The following UPRT variants were observed in gnomAD, a reference collection of about 807,000 sequenced individuals.
The protein encoded by UPRT is uracil phosphoribosyltransferase homolog.
UPRT carries 5 observed loss-of-function variants against 22.6 expected under a neutral mutation model. That is an observed-to-expected ratio of 0.22 (90% CI 0.12 to 0.47). The LOEUF (loss-of-function observed/expected upper bound fraction) is 0.47, where lower values mean the gene tolerates loss of function less well. Among genes scored for constraint, UPRT ranks in the 20% least tolerant of loss-of-function variants. The pLI is 0.99. For missense variants in UPRT, 181 were observed against 239.9 expected, an observed-to-expected ratio of 0.75 and a Z score of 1.62; for synonymous variants, 77 against 87.7, an observed-to-expected ratio of 0.88 and a Z score of 0.68.
intron 4 of UPRT, among the ~76,000 whole-genome samples, chrX:75,198,136 T>G (rs1017905465): frequency 2.7e-5 from 3 of 112,844 alleles, no homozygotes; most frequent in Non-Finnish European, 3.7e-5. Flanking sequence ...TTGTGGTATA[T>G]TCACACAATA....
At chrX:75,247,271 C>G (rs1237732155) in intron 4 of UPRT, among the ~76,000 whole-genome samples, 1 of 111,178 alleles carries the variant, frequency 9.0e-6, no homozygotes, top group Non-Finnish European at 1.9e-5. Context: ...TGGGCTGAAG[C>G]ACGGTGAAGC....
intron 2 of UPRT, chrX:75,294,491 C>T: frequency 2.5e-6 from 2 of 815,870 alleles, no homozygotes; most frequent in Non-Finnish European, 3.1e-6. Context: ...CTTCTTAGCC[C>T]CAAAGTTATA....
At chrX:75,180,695 G>GTTTTTTTTTTTTTTTTTTTTTTTTT (rs61040746) in intron 4 of UPRT, among the ~76,000 whole-genome samples, 1 of 34,659 alleles carries the variant, frequency 2.9e-5, no homozygotes, top group African/African-American at 1.3e-4. Flanking sequence ...TTTTTTTTTT[G>GTTTTTTTTTTTTTTTTTTTTTTTTT]TTTTTTTTTT....
chrX:75,304,139 A>G lies in UPRT; in HGVS notation c.*628A>G, dbSNP rs1282810188. On this transcript the variant is annotated 3_prime_UTR_variant, in exon 7 of 7. Transcript: ENST00000373383. ...TAGGTGCCTTGCTAAGCTGTAATGCAGTGAAGAAGATGGTGGGGCATTTTT... is the reference window on the plus strand; with the variant it reads ...TAGGTGCCTTGCTAAGCTGTAATGCGGTGAAGAAGATGGTGGGGCATTTTT... The G allele has an allele frequency of 8.9e-6, 1 of 111,897 alleles. No homozygotes were observed. Among genetic ancestry groups the G allele is most frequent in the East Asian group, 2.8e-4 (1 of 3,571 alleles). 9.2% of individuals were successfully genotyped at this position (111,897 alleles called of 1,213,427 possible).
At chrX:75,182,063 T>C (rs780735270) in intron 4 of UPRT, among the ~76,000 whole-genome samples, 105 of 112,408 alleles carry the variant, frequency 9.3e-4, no homozygotes, top group Non-Finnish European at 1.7e-3. Context: ...GAAGGGACTT[T>C]GAATTTTATC....
At chrX:75,167,555 T>A (rs2082216150) in intron 3 of UPRT, among the ~76,000 whole-genome samples, 1 of 111,882 alleles carries the variant, frequency 8.9e-6, no homozygotes, top group Non-Finnish European at 1.9e-5. Context: ...GTGAATTGAT[T>A]TTTGTGTAGT....
chrX:75,299,029 A>G (rs763631659), intron 4 of UPRT, among the ~76,000 whole-genome samples: 5 of 113,116 alleles, frequency 4.4e-5, no homozygotes, highest in Non-Finnish European at 7.5e-5. Flanking sequence ...AATGTTAAGT[A>G]AATGCCAGTA....
At chrX:75,167,210 G>A (rs1214714368) in intron 3 of UPRT, among the ~76,000 whole-genome samples, 1 of 111,700 alleles carries the variant, frequency 9.0e-6, no homozygotes, top group Non-Finnish European at 1.9e-5. Flanking sequence ...ATGAAATTTA[G>A]CACTGTAAAA....
chrX:75,156,475 A>T, exon 1 of UPRT: 1 of 490,631 alleles, frequency 2.0e-6, no homozygotes, highest in Non-Finnish European at 3.5e-6. Flanking sequence ...TTCCTTACAC[A>T]ACCGGGAATA....
intron 4 of UPRT, among the ~76,000 whole-genome samples, chrX:75,196,802 G>A (rs1006420778): frequency 2.7e-5 from 3 of 111,326 alleles, no homozygotes; most frequent in Non-Finnish European, 3.8e-5. Context: ...AGCCGAGATC[G>A]TGCCACTGCA....
intron 4 of UPRT, among the ~76,000 whole-genome samples, chrX:75,298,536 G>GT (rs755861292): frequency 4.1e-3 from 451 of 110,994 alleles, no homozygotes; most frequent in Non-Finnish European, 6.0e-3. Flanking sequence ...TAAGATTTAT[G>GT]TTTTTTTTGC....
intron 4 of UPRT, among the ~76,000 whole-genome samples, chrX:75,263,949 T>G (rs1388908410): frequency 9.1e-6 from 1 of 110,264 alleles, no homozygotes; most frequent in Admixed American, 9.8e-5. Context: ...AAGAACATCT[T>G]TATTTCTGCC....
intron 4 of UPRT, among the ~76,000 whole-genome samples, chrX:75,235,588 G>A (rs1436523003): frequency 9.0e-6 from 1 of 111,626 alleles, no homozygotes; most frequent in Non-Finnish European, 1.9e-5. Context: ...ACATCAAAAA[G>A]CTTATCCACC....
chrX:75,182,159 AT>A (rs1456110685), intron 4 of UPRT, among the ~76,000 whole-genome samples: 1 of 112,127 alleles, frequency 8.9e-6, no homozygotes, highest in Non-Finnish European at 1.9e-5. Flanking sequence ...AATCCCATTT[AT>A]GGATTTGCAT....
chrX:75,261,209 C>G (rs1188332739), intron 4 of UPRT, among the ~76,000 whole-genome samples: 1 of 110,838 alleles, frequency 9.0e-6, no homozygotes, highest in Admixed American at 9.6e-5. Context: ...GAAGCAAGAG[C>G]AAACAAATTC....
chrX:75,299,834 A>G lies in UPRT; in HGVS notation c.662A>G (p.Tyr221Cys). Residue 221 changes from tyrosine (Y) to cysteine (C), a missense_variant, in exon 5 of 7, where the codon TAT (tyrosine) becomes TGT (cysteine). This residue lies in a region of UPRT where 70 missense variants were observed against 137.0 expected (regional missense o/e 0.51). Transcript: ENST00000373383. Reference protein sequence around the residue: ...SDEETQRAKVYYAKFPPDIYR... With the variant: ...SDEETQRAKVCYAKFPPDIYR... The stretch of plus-strand genomic sequence containing the variant: ...GAGGAGACACAAAGAGCCAAAGTAT[A>G]TTATGCCAAATTCCCCCCAGACATT... 1.7e-6 allele frequency: 2 copies of G among 1,211,712 alleles called. No homozygotes were observed. The highest frequency in any genetic ancestry group is 2.2e-6 in the Non-Finnish European group (2 of 895,483).
At chrX:75,159,723 A>T (rs1475103853) in intron 1 of UPRT, among the ~76,000 whole-genome samples, 3 of 110,338 alleles carry the variant, frequency 2.7e-5, no homozygotes. Context: ...CCATGTACCT[A>T]CAACCCAGCT....
chrX:75,206,180 G>A (rs957437458), intron 4 of UPRT, among the ~76,000 whole-genome samples: 1 of 110,809 alleles, frequency 9.0e-6, no homozygotes. Flanking sequence ...GATAATATGG[G>A]GTGAGGAGAA....
chrX:75,249,935 C>G (rs2082522432), intron 4 of UPRT, among the ~76,000 whole-genome samples: 1 of 111,806 alleles, frequency 8.9e-6, no homozygotes, highest in African/African-American at 3.3e-5. Context: ...TACATGGAAA[C>G]TGAACAACCT....
Sources: allele counts gnomAD v4.1 joint callset (sites outside exome capture counted in the v4.1 genomes callset), GRCh38; gene constraint gnomAD v4.1.1; regional missense constraint gnomAD v4.1.1; transcripts MANE v1.5; gene names NCBI Gene and HGNC (gene_info 2026-07-23, HGNC 2026-07-21).